ZC3H13: variants seen among roughly 807,000 people sequenced by gnomAD.
The protein encoded by ZC3H13 is zinc finger CCCH-type containing 13.
Under a neutral mutation model 204.1 loss-of-function variants are expected in ZC3H13, and 64 were observed. That is an observed-to-expected ratio of 0.31 (90% CI 0.26 to 0.39). The LOEUF (loss-of-function observed/expected upper bound fraction) is 0.39. ZC3H13 is among the 10% of genes least tolerant of loss of function. ZC3H13 has a pLI of 1.00. For synonymous variants in ZC3H13, 667 were observed against 693.7 expected (o/e 0.96, Z 0.60); for missense variants, 1,833 against 2,082.7 (o/e 0.88, Z 2.33).
chr13:46,007,978 C>T (rs1393579704), intron 7 of ZC3H13, among the ~76,000 whole-genome samples: 1 of 152,052 alleles, frequency 6.6e-6, no homozygotes, highest in Non-Finnish European at 1.5e-5. Flanking sequence ...TACCATATCT[C>T]ATATATCAGG....
chr13:46,041,768 T>C (rs541770463), intron 4 of ZC3H13, among the ~76,000 whole-genome samples: 1 of 152,250 alleles, frequency 6.6e-6, no homozygotes, highest in East Asian at 1.9e-4. Context: ...GTTAACCCCA[T>C]GTGTTTTGCT....
In ZC3H13 at chr13:45,955,113, G is replaced by A. The variant is rs1951213238; in HGVS notation, c.*2014C>T. ...TGGACAGACCTGAGCCGTCAGTTATGAGATAGATGACCTTTTAATTGTACT... is the reference window on the plus strand; with the variant it reads ...TGGACAGACCTGAGCCGTCAGTTATAAGATAGATGACCTTTTAATTGTACT... On this transcript the variant is annotated 3_prime_UTR_variant, in exon 19 of 19. Coordinates refer to ENST00000679008, the MANE Select transcript of ZC3H13 (RefSeq NM_001330564.2). 6.6e-6 allele frequency: 1 copy of A among 152,286 alleles called. No individual in the cohort carries two copies. The highest frequency in any genetic ancestry group is 1.5e-5 in the Non-Finnish European group (1 of 68,014). The allele number at this position is 152,286 out of a possible 1,614,324, so 9.4% of individuals were successfully genotyped here. A position where few individuals can be genotyped will look rare whatever the true frequency, so the allele number is the denominator to read the frequency against.
chr13:46,034,175 A>G (rs2043069381), intron 4 of ZC3H13, among the ~76,000 whole-genome samples: 1 of 152,192 alleles, frequency 6.6e-6, no homozygotes, highest in Non-Finnish European at 1.5e-5. Context: ...AAGAATACAG[A>G]GAGAAAATTA....
At position 45,959,548 on chromosome 13, in the gene ZC3H13, A is replaced by G. The variant is rs1179638539; in HGVS notation, c.4774T>C (p.Cys1592Arg). ...RASLLSNLGP[C>R]CKALCFRRDS... is the part of the protein sequence containing the mutation. The stretch of plus-strand genomic sequence containing the variant: ...CGTCTGAAGCACAACGCCTTACAAC[A>G]TGGGCCAAGATTACTAAGAAGACTT... Residue 1592 changes from cysteine to arginine, a missense_variant, in exon 18 of 19, where the codon TGT becomes CGT. Coordinates refer to ENST00000679008, the MANE Select transcript of ZC3H13 (RefSeq NM_001330564.2). The G allele has an allele frequency of 6.5e-7, 1 of 1,549,010 alleles. No homozygotes were observed. The highest frequency in any genetic ancestry group is 8.7e-7 in the Non-Finnish European group (1 of 1,146,322).
At position 45,956,974 on chromosome 13, in the gene ZC3H13, T is replaced by A; in HGVS notation, c.*153A>T. 1 of 634,884 alleles carries A rather than the reference T, an allele frequency of 1.6e-6. No homozygotes were observed. Among genetic ancestry groups the A allele is most frequent in the East Asian group, 3.4e-5 (1 of 29,406 alleles). The allele number at this position is 634,884 out of a possible 1,614,324, so 39.3% of individuals were successfully genotyped here. A position where few individuals can be genotyped will look rare whatever the true frequency, so the allele number is the denominator to read the frequency against. On this transcript the variant is annotated 3_prime_UTR_variant, in exon 19 of 19. Transcript: ENST00000679008. ...AAAATCTTAAGTTGGCCAAAACTAG[T>A]GTCTCTAAAGATCAAAATTCTTCAC...
Position 45,957,188 on chromosome 13 carries a change from T to C in ZC3H13, c.4949A>G (p.Glu1650Gly), listed in dbSNP as rs1951319419. The part of the protein sequence containing the change: ...RKTTCHAPGH[E>G]KTEDNKLSQS... ...TGAAAGTTTATTATCTTCAGTCTTT[T>C]CATGTCCTGGAGCATGGCAAGTAGT... Residue 1650 changes from glutamate to glycine, a missense_variant, in exon 19 of 19, where the codon GAA (glutamate) becomes GGA (glycine). By Grantham distance (98) the Glu-to-Gly change is moderately conservative. Around this residue, in one of 5 missense-constraint regions of ZC3H13, gnomAD observed 211 missense variants for 228.4 expected, o/e 0.92. Transcript: ENST00000679008. The C allele has an allele frequency of 1.3e-6, 2 of 1,548,384 alleles. No individual in the cohort carries two copies. Among genetic ancestry groups the C allele is most frequent in the African/African-American group, 2.7e-5 (2 of 73,006 alleles).
chr13:46,006,713 C>CATAT (rs71184435), intron 7 of ZC3H13, among the ~76,000 whole-genome samples: 937 of 63,838 alleles, frequency 0.015, 226 homozygotes, highest in Non-Finnish European at 0.013. Context: ...AGTTCTTAGC[C>CATAT]ATATATATAT....
At chr13:46,013,658 CAA>C (rs2041724615) in intron 5 of ZC3H13, among the ~76,000 whole-genome samples, 1 of 152,070 alleles carries the variant, frequency 6.6e-6, no homozygotes, top group African/African-American at 2.4e-5. Context: ...AATTCAAAAA[CAA>C]GAGTCTGAAG....
intron 18 of ZC3H13, among the ~76,000 whole-genome samples, chr13:45,957,513 C>T (rs553274011): frequency 1.3e-5 from 2 of 152,298 alleles, no homozygotes; most frequent in African/African-American, 4.8e-5. Flanking sequence ...AGTTTAACCT[C>T]TTGCTTAAAG....
At chr13:46,038,878 C>G (rs2043380764) in intron 4 of ZC3H13, among the ~76,000 whole-genome samples, 1 of 152,064 alleles carries the variant, frequency 6.6e-6, no homozygotes, top group South Asian at 2.1e-4. Flanking sequence ...AAAAATTAGC[C>G]AGGCGTGGTG....
rs577977216 is a variant in ZC3H13 at position 45,987,013 on chromosome 13, T to C, written c.1256-1252A>G. Among the ~76,000 whole-genome samples, 3 of 152,340 alleles carry C rather than the reference T, an allele frequency of 2.0e-5. No individual in the cohort carries two copies. The South Asian group carries it at 6.2e-4, about 32-fold the overall frequency. The stretch of plus-strand genomic sequence containing the variant: ...ACATATCTCCATCCCTTTCTGTGAA[T>C]ATCTTTCACTTCTATTCCTCCCCCA... On this transcript the variant is annotated intron_variant, in intron 9 of 18. Coordinates refer to ENST00000679008, the MANE Select transcript of ZC3H13 (RefSeq NM_001330564.2).
chr13:45,963,156 A>G, intron 17 of ZC3H13: 1 of 967,466 alleles, frequency 1.0e-6, no homozygotes, highest in Non-Finnish European at 1.2e-6. Context: ...CTTACAGATG[A>G]TGACACTAAC....
chr13:45,973,628 A>G (rs996779424), intron 12 of ZC3H13, among the ~76,000 whole-genome samples: 5 of 152,194 alleles, frequency 3.3e-5, no homozygotes. Flanking sequence ...AGTGTTTAAA[A>G]AACATTAGAT....
At chr13:46,037,308 A>C (rs1479353370) in intron 4 of ZC3H13, among the ~76,000 whole-genome samples, 1 of 152,186 alleles carries the variant, frequency 6.6e-6, no homozygotes, top group African/African-American at 2.4e-5. Flanking sequence ...AGACTTAGGT[A>C]AGCAATACTC....
chr13:45,975,312 T>C lies in ZC3H13; in HGVS notation c.2439A>G (p.Pro813=). The C allele has an allele frequency of 6.2e-7, 1 of 1,613,568 alleles. No homozygotes were observed. The highest frequency in any genetic ancestry group is 8.5e-7 in the Non-Finnish European group (1 of 1,179,584). Residue 813 remains proline, a synonymous_variant, in exon 12 of 19, where the codon CCA becomes CCG. Coordinates refer to ENST00000679008, the MANE Select transcript of ZC3H13 (RefSeq NM_001330564.2). ...KREEIREDRN[P]RDGHDERKSK... Reference sequence around the variant, plus strand: ...ATTTTCTTTCATCATGTCCATCTCTTGGATTCCTATCTTCTCGGATCTCTT... The same window carrying C: ...ATTTTCTTTCATCATGTCCATCTCTCGGATTCCTATCTTCTCGGATCTCTT...
chr13:45,999,817 G>C (rs2040609335), intron 8 of ZC3H13, among the ~76,000 whole-genome samples: 2 of 77,666 alleles, frequency 2.6e-5, no homozygotes. Flanking sequence ...CTTATAAAAT[G>C]TATTTTTTAA....
intron 7 of ZC3H13, among the ~76,000 whole-genome samples, chr13:46,005,924 G>A (rs1045869668): frequency 4.6e-5 from 7 of 151,800 alleles, no homozygotes; most frequent in African/African-American, 9.7e-5. Context: ...GTGAAACCCC[G>A]CCTCTACTAA....
At chr13:45,973,769 A>G (rs1294576113) in intron 12 of ZC3H13, among the ~76,000 whole-genome samples, 1 of 152,034 alleles carries the variant, frequency 6.6e-6, no homozygotes, top group Admixed American at 6.6e-5. Flanking sequence ...AGAGGTCAGA[A>G]AAGTAGCGGG....
At chr13:46,013,170 C>T (rs1183652846) in intron 5 of ZC3H13, among the ~76,000 whole-genome samples, 1 of 152,158 alleles carries the variant, frequency 6.6e-6, no homozygotes, top group Non-Finnish European at 1.5e-5. Flanking sequence ...AAGCTCAGCA[C>T]TTTGGGAGGC....
Sources: gnomAD v4.1 joint callset for allele counts (sites outside exome capture counted in the v4.1 genomes callset) on GRCh38, gnomAD v4.1.1 for gene constraint, gnomAD v4.1.1 regional missense constraint, MANE v1.5 for transcripts, NCBI Gene and HGNC (gene_info 2026-07-23, HGNC 2026-07-21) for gene names.